The following BRCA1 variants were observed in gnomAD, a reference collection of about 807,000 sequenced individuals.
BRCA1 encodes the protein breast cancer type 1 susceptibility protein.
Under a neutral mutation model 173.7 loss-of-function variants are expected in BRCA1, and 140 were observed. That is an observed-to-expected ratio of 0.81 (90% CI 0.70 to 0.93). The LOEUF is 0.93. BRCA1 is among the 40% of genes least tolerant of loss of function. The probability of loss-of-function intolerance (pLI) is 0.00; values close to 1 mark genes in which losing one functional copy is unlikely to be tolerated. For synonymous variants in BRCA1, 662 were observed against 756.0 expected (o/e 0.88, Z 2.04); for missense variants, 1,983 against 2,172.5 (o/e 0.91, Z 1.73).
At chr17:43,103,747 A>G (rs986592899) in intron 6 of BRCA1, among the ~76,000 whole-genome samples, 3 of 152,134 alleles carry the variant, frequency 2.0e-5, no homozygotes, top group African/African-American at 7.2e-5. Flanking sequence ...TAAATCTATG[A>G]GCATCTAGCA....
In BRCA1 at chr17:43,093,796, C is replaced by G. The variant is rs759108406; in HGVS notation, c.1735G>C (p.Ala579Pro). 6.2e-7 allele frequency: 1 copy of G among 1,613,488 alleles called. No individual in the cohort carries two copies. Among genetic ancestry groups the G allele is most frequent in the Non-Finnish European group, 8.5e-7 (1 of 1,179,932 alleles). The change falls in exon 10 of 23, where the codon GCT (alanine) becomes CCT (proline). Residue 579 changes from alanine (A) to proline (P), a missense_variant. Physicochemically the swap from Ala to Pro is conservative, Grantham distance 27. Transcript: ENST00000357654. ...NPIESLEKES[A>P]FKTKAEPISS... is the part of the protein sequence containing the mutation. ...ATAGGTTCAGCTTTCGTTTTGAAAG[C>G]AGATTCTTTTTCGAGTGATTCTATT...
chr17:43,137,469 T>C (rs1370076885), intron 1 of BRCA1, among the ~76,000 whole-genome samples: 2 of 151,432 alleles, frequency 1.3e-5, no homozygotes, highest in African/African-American at 4.9e-5. Context: ...TCCCTTTTTC[T>C]GGGAGATTGA....
intron 15 of BRCA1, 45 bp downstream of exon 15, chr17:43,070,880 ATGT>A: frequency 6.3e-7 from 1 of 1,599,286 alleles, no homozygotes; most frequent in South Asian, 1.1e-5. Flanking sequence ...TCTTTCCAGA[ATGT>A]TGTTAAGTCT....
At chr17:43,155,879 G>A (rs2056193865) in intron 1 of BRCA1, among the ~76,000 whole-genome samples, 2 of 152,142 alleles carry the variant, frequency 1.3e-5, no homozygotes, top group South Asian at 4.1e-4. Flanking sequence ...GGACATCAAA[G>A]AACAAGTATC....
chr17:43,048,969 C>T, intron 21 of BRCA1, 152 bp downstream of exon 21: 2 of 730,840 alleles, frequency 2.7e-6, no homozygotes, highest in South Asian at 3.1e-5. Context: ...CCTTACCCAT[C>T]CCTTACAGAT....
At position 43,095,931 on chromosome 17, in the gene BRCA1, A is replaced by G. The variant is rs2154515444; in HGVS notation, c.594-9T>C. 1.2e-6 allele frequency: 2 copies of G among 1,605,182 alleles called. No homozygotes were observed. The highest frequency in any genetic ancestry group is 1.7e-6 in the Non-Finnish European group (2 of 1,172,410). On this transcript the variant is annotated splice_polypyrimidine_tract_variant and intron_variant, in intron 8 of 22. Transcript: ENST00000357654. ...ATTCTTGATCTCCCACACTATAGGG[A>G]AAAGACAGAGTCCTAATAAGAAACA...
intron 3 of BRCA1, among the ~76,000 whole-genome samples, chr17:43,108,053 A>C (rs1204946416): frequency 6.6e-6 from 1 of 152,206 alleles, no homozygotes; most frequent in Non-Finnish European, 1.5e-5. Flanking sequence ...GCTAAAAAAA[A>C]AGTCACTAGG....
intron 2 of BRCA1, among the ~76,000 whole-genome samples, chr17:43,118,523 T>A (rs1423298867): frequency 6.6e-6 from 1 of 151,830 alleles, no homozygotes. Flanking sequence ...ACTAAAGGCA[T>A]GCACCACCAT....
At chr17:43,149,914 G>T (rs2056150247) in intron 1 of BRCA1, among the ~76,000 whole-genome samples, 1 of 151,780 alleles carries the variant, frequency 6.6e-6, no homozygotes. Flanking sequence ...TCAACCACCC[G>T]AGTAGCTGGG....
At chr17:43,065,451 C>T (rs921602846) in intron 16 of BRCA1, among the ~76,000 whole-genome samples, 1 of 152,100 alleles carries the variant, frequency 6.6e-6, no homozygotes, top group Non-Finnish European at 1.5e-5. Flanking sequence ...GGTGGATCAC[C>T]TGAGGTCGGG....
intron 1 of BRCA1, among the ~76,000 whole-genome samples, chr17:43,133,932 GCCT>G (rs1166791068): frequency 1.3e-5 from 2 of 152,282 alleles, no homozygotes; most frequent in Admixed American, 1.3e-4. Context: ...ACCACGCCCA[GCCT>G]CCTTTTTCAC....
At chr17:43,147,887 C>G (rs1424868108) in intron 1 of BRCA1, among the ~76,000 whole-genome samples, 1 of 152,156 alleles carries the variant, frequency 6.6e-6, no homozygotes, top group Non-Finnish European at 1.5e-5. Context: ...TAGCCTGATG[C>G]CCACTATCAG....
At chr17:43,083,959 G>C (rs967509244) in intron 11 of BRCA1, among the ~76,000 whole-genome samples, 1 of 151,848 alleles carries the variant, frequency 6.6e-6, no homozygotes, top group African/African-American at 2.4e-5. Flanking sequence ...CGCCTACCTG[G>C]TTCAAGCAAT....
chr17:43,097,131 C>T (rs760579193), intron 8 of BRCA1, 113 bp downstream of exon 8: 6 of 1,112,510 alleles, frequency 5.4e-6, no homozygotes, highest in African/African-American at 1.6e-5. Context: ...CACATACATC[C>T]CTGAACCTAA....
At chr17:43,047,855 T>C (rs2051003133) in intron 21 of BRCA1, 152 bp from the exon 22 acceptor site, 2 of 771,396 alleles carry the variant, frequency 2.6e-6, no homozygotes, top group Non-Finnish European at 4.4e-6. Flanking sequence ...CACTGCCACC[T>C]CTGCCTCCTG....
At position 43,137,281 on chromosome 17, in the gene BRCA1, G is replaced by A. The variant is rs549389270; in HGVS notation, c.-19-13166C>T. Among the ~76,000 whole-genome samples, 563 of 114,236 alleles carry A rather than the reference G, an allele frequency of 4.9e-3. 3 individuals carry two copies. The highest frequency in any genetic ancestry group is 0.031 in the South Asian group (86 of 2,786). 74.9% of individuals were successfully genotyped at this position (114,236 alleles called of 152,430 possible). A position where few individuals can be genotyped will look rare whatever the true frequency, so the allele number is the denominator to read the frequency against. On this transcript the variant is annotated intron_variant, in intron 1 of 7. Transcript: ENST00000634433. ...ATCACACACCAGAGCCTATTGTGGGGTGGGGGGAGGGGGGAGGGATAGCAT... is the reference window on the plus strand; with the variant it reads ...ATCACACACCAGAGCCTATTGTGGGATGGGGGGAGGGGGGAGGGATAGCAT...
At position 43,079,622 on chromosome 17, in the gene BRCA1, G is replaced by A. The variant is rs1014986365; in HGVS notation, c.4357+2782C>T. On this transcript the variant is annotated intron_variant, in intron 12 of 22. Transcript: ENST00000357654. ...GAGCCAAGACAGCTTCCTGAAACGC[G>A]TGAAGGAAAATGATCAGAAAAAGAA... The A allele has an allele frequency of 1.3e-4, 111 of 837,696 alleles. 4 individuals are homozygous for A. In the Middle Eastern group the frequency reaches 3.9e-3, roughly 29 times the overall value. The allele number at this position is 837,696 out of a possible 1,614,324, so 51.9% of individuals were successfully genotyped here.
rs191034650 is a variant in BRCA1, at chr17:43,099,745, T to C, written c.547+30A>G. On this transcript the variant is annotated intron_variant, in intron 7 of 22. Coordinates refer to ENST00000357654, the MANE Select transcript of BRCA1 (RefSeq NM_007294.4). ...AAGATAAGGAATCCAGCAATTATTATTAAATACTTAAAAAACCTGAGACCC... is the reference window on the plus strand; with the variant it reads ...AAGATAAGGAATCCAGCAATTATTACTAAATACTTAAAAAACCTGAGACCC... 31 of 1,530,176 alleles carry C rather than the reference T, an allele frequency of 2.0e-5. No individual in the cohort carries two copies. In the East Asian group the frequency reaches 6.3e-4, roughly 31 times the overall value. The allele number at this position is 1,530,176 out of a possible 1,614,324, so 94.8% of individuals were successfully genotyped here.
intron 3 of BRCA1, among the ~76,000 whole-genome samples, chr17:43,107,099 C>G (rs1392645340): frequency 1.4e-5 from 2 of 144,214 alleles, no homozygotes; most frequent in Non-Finnish European, 3.0e-5. Flanking sequence ...GAGTCTCGCT[C>G]TGTCTCCCAG....
Sources: gnomAD v4.1 joint callset for allele counts (sites outside exome capture counted in the v4.1 genomes callset) on GRCh38, gnomAD v4.1.1 for gene constraint, MANE v1.5 for transcripts, NCBI Gene and HGNC (gene_info 2026-07-23, HGNC 2026-07-21) for gene names.